The following ZNF532 variants were observed in gnomAD, a reference collection of about 807,000 sequenced individuals.
ZNF532 encodes the protein zinc finger protein 532.
Under a neutral mutation model 89.3 loss-of-function variants are expected in ZNF532, and 22 were observed. The ratio of observed to expected loss-of-function variants is 0.25; its 90% confidence interval spans 0.18 to 0.35. The LOEUF (loss-of-function observed/expected upper bound fraction) is 0.35. Among genes scored for constraint, ZNF532 ranks in the 10% least tolerant of loss-of-function variants. The probability of loss-of-function intolerance (pLI) is 1.00; values close to 1 mark genes in which losing one functional copy is unlikely to be tolerated. For missense variants in ZNF532, 1,132 were observed against 1,643.4 expected, an observed-to-expected ratio of 0.69 and a Z score of 5.38; for synonymous variants, 606 against 649.6, an observed-to-expected ratio of 0.93 and a Z score of 1.02.
chr18:58,866,566 A>T (rs577065301), intron 2 of ZNF532, among the ~76,000 whole-genome samples: 1 of 152,246 alleles, frequency 6.6e-6, no homozygotes, highest in Admixed American at 6.5e-5. Context: ...AGAGGAGCCC[A>T]TAGAAGACAT....
intron 2 of ZNF532, among the ~76,000 whole-genome samples, chr18:58,868,550 C>T (rs1469574493): frequency 1.3e-5 from 2 of 152,162 alleles, no homozygotes; most frequent in East Asian, 1.9e-4. Context: ...AGAGTTTGGG[C>T]TTTCTAGAAT....
intron 7 of ZNF532, among the ~76,000 whole-genome samples, chr18:58,959,279 T>TG (rs2065117936): frequency 6.8e-6 from 1 of 146,434 alleles, no homozygotes; most frequent in African/African-American, 2.6e-5. Flanking sequence ...TGTTTTTTTT[T>TG]GGTTTTTTTT....
intron 5 of ZNF532, among the ~76,000 whole-genome samples, chr18:58,941,951 C>CCTCCCTCT (rs2063088686): frequency 7.4e-6 from 1 of 135,324 alleles, no homozygotes; most frequent in Non-Finnish European, 1.6e-5. Flanking sequence ...TCTTTCCTTT[C>CCTCCCTCT]CTCCCTCCCT....
intron 7 of ZNF532, among the ~76,000 whole-genome samples, chr18:58,955,212 A>G (rs910461813): frequency 1.3e-5 from 2 of 152,166 alleles, no homozygotes; most frequent in Non-Finnish European, 2.9e-5. Context: ...AACCATGATC[A>G]TGCCACTGCA....
chr18:58,951,120 C>G (rs2064120312), intron 6 of ZNF532, among the ~76,000 whole-genome samples: 1 of 151,932 alleles, frequency 6.6e-6, no homozygotes, highest in Non-Finnish European at 1.5e-5. Context: ...CACGCCTGGC[C>G]GATTTTTGTA....
intron 2 of ZNF532, among the ~76,000 whole-genome samples, chr18:58,877,926 C>A (rs1481627034): frequency 2.1e-5 from 3 of 141,396 alleles, no homozygotes; most frequent in Non-Finnish European, 3.0e-5. Flanking sequence ...GTTGCCATAG[C>A]ATGCCAAGAG....
chr18:58,895,335 A>C (rs2059174335), intron 2 of ZNF532, among the ~76,000 whole-genome samples: 1 of 152,240 alleles, frequency 6.6e-6, no homozygotes, highest in Non-Finnish European at 1.5e-5. Flanking sequence ...CTGTTAGGGA[A>C]AAGAGAGTCC....
intron 2 of ZNF532, among the ~76,000 whole-genome samples, chr18:58,877,281 G>A (rs1389364164): frequency 1.3e-5 from 2 of 152,160 alleles, no homozygotes; most frequent in East Asian, 1.9e-4. Context: ...TCTCCAGCAC[G>A]TGATGGAGAC....
At chr18:58,899,303 T>A (rs1426958876) in intron 2 of ZNF532, among the ~76,000 whole-genome samples, 1 of 152,234 alleles carries the variant, frequency 6.6e-6, no homozygotes, top group Non-Finnish European at 1.5e-5. Flanking sequence ...ACAAGATGAT[T>A]TGTTTATCTG....
At chr18:58,961,359 A>G (rs2065326391) in intron 7 of ZNF532, among the ~76,000 whole-genome samples, 1 of 152,204 alleles carries the variant, frequency 6.6e-6, no homozygotes, top group African/African-American at 2.4e-5. Context: ...AGAGTTTGCT[A>G]TGCAGAGTTT....
Position 58,894,018 on chromosome 18 carries a change from A to T in ZNF532, c.-17-24253A>T, listed in dbSNP as rs150532806. 4.6e-3 allele frequency among the ~76,000 whole-genome samples: 700 copies of T among 152,326 alleles called. 7 individuals are homozygous for T. The highest frequency in any genetic ancestry group is 0.016 in the African/African-American group (676 of 41,572). ...CTGGTTCTAGACTCAAACTACAGGGAGAAGGAAGAGATGTGTCTGGCATCA... is the reference window on the plus strand; with the variant it reads ...CTGGTTCTAGACTCAAACTACAGGGTGAAGGAAGAGATGTGTCTGGCATCA... On this transcript the variant is annotated intron_variant, in intron 2 of 9. Coordinates refer to ENST00000591808, the MANE Select transcript of ZNF532 (RefSeq NM_001375912.1).
chr18:58,914,053 T>G (rs1430844742), intron 2 of ZNF532, among the ~76,000 whole-genome samples: 1 of 152,226 alleles, frequency 6.6e-6, no homozygotes, highest in African/African-American at 2.4e-5. Context: ...GAAGAAGAAT[T>G]TTGTTACAAA....
intron 2 of ZNF532, among the ~76,000 whole-genome samples, chr18:58,891,777 C>G (rs1324290616): frequency 6.6e-6 from 1 of 152,156 alleles, no homozygotes; most frequent in Non-Finnish European, 1.5e-5. Context: ...GTTGAACGTG[C>G]CATCCTCTTT....
chr18:58,968,469 T>C (rs1486502072), intron 7 of ZNF532, among the ~76,000 whole-genome samples: 1 of 152,228 alleles, frequency 6.6e-6, no homozygotes, highest in East Asian at 1.9e-4. Flanking sequence ...TGTCTCATCA[T>C]GGTGCTCCCA....
At chr18:58,963,637 GTGTGTGT>G (rs2065594637) in intron 7 of ZNF532, among the ~76,000 whole-genome samples, 1 of 140,476 alleles carries the variant, frequency 7.1e-6, no homozygotes, top group African/African-American at 2.7e-5. Flanking sequence ...GTGTGTGTGT[GTGTGTGT>G]GTATGTATAT....
intron 2 of ZNF532, among the ~76,000 whole-genome samples, chr18:58,883,330 C>G (rs1179721976): frequency 3.3e-5 from 5 of 152,082 alleles, no homozygotes; most frequent in African/African-American, 9.7e-5. Context: ...GACTGTGTTT[C>G]AGAATTCCAA....
intron 8 of ZNF532, chr18:58,979,694 A>G (rs2067495138): frequency 6.6e-6 from 1 of 152,666 alleles, no homozygotes; most frequent in Admixed American, 6.5e-5. Flanking sequence ...CTGATCCCTG[A>G]GTGTCTTGGG....
chr18:58,901,232 TC>T (rs1413241329), intron 2 of ZNF532, among the ~76,000 whole-genome samples: 3 of 152,234 alleles, frequency 2.0e-5, no homozygotes, highest in Non-Finnish European at 4.4e-5. Context: ...TCAGTGGCCT[TC>T]GTCTCCTCTT....
At chr18:58,952,248 A>G (rs1273323960) in intron 6 of ZNF532, among the ~76,000 whole-genome samples, 2 of 152,200 alleles carry the variant, frequency 1.3e-5, no homozygotes, top group African/African-American at 4.8e-5. Context: ...CTCTTAGGAA[A>G]GATTTTTAAT....
Sources: gnomAD v4.1 joint callset for allele counts (sites outside exome capture counted in the v4.1 genomes callset) on GRCh38, gnomAD v4.1.1 for gene constraint, MANE v1.5 for transcripts, NCBI Gene and HGNC (gene_info 2026-07-23, HGNC 2026-07-21) for gene names.